The following NLGN4X variants were observed in gnomAD, a reference collection of about 807,000 sequenced individuals.
The protein encoded by NLGN4X is neuroligin 4 X-linked, also known as neuroligin-4, X-linked.
A neutral mutation model predicts 40.3 loss-of-function variants in NLGN4X; 3 were observed. The ratio of observed to expected loss-of-function variants is 0.07; its 90% CI spans 0.03 to 0.19. The LOEUF (loss-of-function observed/expected upper bound fraction) is 0.19, where lower values mean the gene tolerates loss of function less well. Among genes scored for constraint, NLGN4X ranks in the 10% least tolerant of loss-of-function variants. The probability of loss-of-function intolerance (pLI) is 1.00; values close to 1 mark genes in which losing one functional copy is unlikely to be tolerated. For synonymous variants in NLGN4X, 270 were observed against 306.8 expected, an observed-to-expected ratio of 0.88 and a Z score of 1.25; for missense variants, 382 against 708.3, an observed-to-expected ratio of 0.54 and a Z score of 5.23.
intron 3 of NLGN4X, among the ~76,000 whole-genome samples, chrX:5,970,066 T>C (rs1265169732): frequency 9.2e-6 from 1 of 108,359 alleles, no homozygotes; most frequent in East Asian, 3.0e-4. Context: ...GAGATATACC[T>C]AATGTTAATT....
chrX:6,129,518 A>G (rs1447845627), intron 2 of NLGN4X, among the ~76,000 whole-genome samples: 2 of 112,198 alleles, frequency 1.8e-5, no homozygotes, highest in Non-Finnish European at 3.8e-5. Flanking sequence ...TCACTAGCTA[A>G]AAAGACTAAT....
chrX:6,194,441 CAG>C (rs755179623), intron 1 of NLGN4X, among the ~76,000 whole-genome samples: 2 of 111,424 alleles, frequency 1.8e-5, no homozygotes, highest in Admixed American at 1.9e-4. Context: ...AGATATCTAA[CAG>C]AGTACCACGT....
chrX:6,162,870 C>T (rs953454037), intron 1 of NLGN4X, among the ~76,000 whole-genome samples: 9 of 111,775 alleles, frequency 8.1e-5, no homozygotes, highest in African/African-American at 2.6e-4. Flanking sequence ...TAAAGATATG[C>T]ATATGTATGT....
chrX:6,206,131 C>G (rs1371796811), intron 1 of NLGN4X, among the ~76,000 whole-genome samples: 1 of 110,990 alleles, frequency 9.0e-6, no homozygotes, highest in Non-Finnish European at 1.9e-5. Context: ...TGAGACCCCC[C>G]ACTCCACAAT....
chrX:6,025,904 C>CA (rs10712022), intron 3 of NLGN4X, among the ~76,000 whole-genome samples: 868 of 80,153 alleles, frequency 0.011, 10 homozygotes, highest in African/African-American at 0.037. Flanking sequence ...GACTCCATCT[C>CA]AAAAAAAAAA....
At chrX:6,127,008 CA>C (rs2039565192) in intron 2 of NLGN4X, among the ~76,000 whole-genome samples, 1 of 172 alleles carries the variant, frequency 5.8e-3, no homozygotes, top group African/African-American at 0.036. Context: ...CTGTCCCCTT[CA>C]AGACTTTTCC....
chrX:5,978,160 A>G (rs188462354), intron 3 of NLGN4X, among the ~76,000 whole-genome samples: 57 of 112,385 alleles, frequency 5.1e-4, no homozygotes, highest in African/African-American at 1.7e-3. Flanking sequence ...GATGCAAGTT[A>G]AAAAAATCAA....
intron 2 of NLGN4X, among the ~76,000 whole-genome samples, chrX:6,063,191 T>C (rs949840162): frequency 1.8e-5 from 2 of 111,942 alleles, no homozygotes; most frequent in African/African-American, 6.5e-5. Flanking sequence ...ATACAAAACT[T>C]TGGCCACGTA....
chrX:5,896,492 G>T (rs2031501387), intron 5 of NLGN4X, among the ~76,000 whole-genome samples: 1 of 111,739 alleles, frequency 8.9e-6, no homozygotes, highest in Non-Finnish European at 1.9e-5. Context: ...TAAAATTAAA[G>T]ACTATAATGA....
chrX:5,892,748 CTCTT>C lies in NLGN4X; in HGVS notation c.*65_*68del, dbSNP rs765660407. On this transcript the variant is annotated 3_prime_UTR_variant, in exon 6 of 6. Coordinates refer to ENST00000381095, the MANE Select transcript of NLGN4X (RefSeq NM_181332.3). ...TTTCTTTCTCTCTCTCTTTCCTTCT[CTCTT>C]TCCTTCCCTCTTCTATGTTGCTGAG... 54 of 1,174,350 alleles carry C rather than the reference CTCTT, an allele frequency of 4.6e-5. No homozygotes were observed. Among genetic ancestry groups the C allele is most frequent in the Non-Finnish European group, 5.9e-5 (51 of 866,821 alleles).
chrX:6,225,203 A>AT (rs1926104824), intron 1 of NLGN4X, among the ~76,000 whole-genome samples: 1 of 106,175 alleles, frequency 9.4e-6, no homozygotes, highest in Admixed American at 1.0e-4. Context: ...GAAATTCCAT[A>AT]TTTTTTTCTG....
At chrX:5,964,373 T>TA (rs1039834966) in intron 3 of NLGN4X, among the ~76,000 whole-genome samples, 3 of 111,731 alleles carry the variant, frequency 2.7e-5, no homozygotes, top group Non-Finnish European at 3.8e-5. Flanking sequence ...ATAAGTATTC[T>TA]AAAAAAAGAT....
intron 2 of NLGN4X, among the ~76,000 whole-genome samples, chrX:6,095,760 T>C (rs1196283601): frequency 8.9e-6 from 1 of 111,767 alleles, no homozygotes; most frequent in African/African-American, 3.3e-5. Context: ...TGTTAAAGAC[T>C]TGGAGTGGGT....
intron 5 of NLGN4X, among the ~76,000 whole-genome samples, chrX:5,898,026 CTTCT>C (rs779929885): frequency 1.9e-4 from 18 of 96,700 alleles, no homozygotes; most frequent in East Asian, 3.5e-4. Context: ...CCCTCCCTTC[CTTCT>C]TTCTCTCTCC....
At chrX:6,215,774 G>A (rs1185216390) in intron 1 of NLGN4X, among the ~76,000 whole-genome samples, 1 of 111,457 alleles carries the variant, frequency 9.0e-6, no homozygotes, top group Non-Finnish European at 1.9e-5. Flanking sequence ...CAAATTGGAA[G>A]TGGATAACAA....
chrX:6,015,172 A>G (rs898442048), intron 3 of NLGN4X, among the ~76,000 whole-genome samples: 9 of 111,777 alleles, frequency 8.1e-5, no homozygotes, highest in Non-Finnish European at 1.7e-4. Flanking sequence ...ACTGGATAGA[A>G]ATGCTGTAGG....
chrX:6,110,002 A>AAAACGCTTTACTG (rs1174063831), intron 2 of NLGN4X, among the ~76,000 whole-genome samples: 1 of 110,806 alleles, frequency 9.0e-6, no homozygotes, highest in African/African-American at 3.3e-5. Context: ...AAGCAGCAGA[A>AAAACGCTTTACTG]AAACGCTTTC....
At chrX:5,959,531 C>G (rs995958917) in intron 3 of NLGN4X, among the ~76,000 whole-genome samples, 3 of 111,627 alleles carry the variant, frequency 2.7e-5, no homozygotes, top group Non-Finnish European at 5.7e-5. Flanking sequence ...AGCTGAAGAA[C>G]TAAGATGTGG....
At chrX:6,211,201 AC>A (rs1228896062) in intron 1 of NLGN4X, among the ~76,000 whole-genome samples, 2 of 112,092 alleles carry the variant, frequency 1.8e-5, no homozygotes, top group African/African-American at 6.5e-5. Flanking sequence ...CAGAAGGGAT[AC>A]AAGAGGGAAA....
Sources: gnomAD v4.1 joint callset for allele counts (sites outside exome capture counted in the v4.1 genomes callset) on GRCh38, gnomAD v4.1.1 for gene constraint, MANE v1.5 for transcripts, NCBI Gene and HGNC (gene_info 2026-07-23, HGNC 2026-07-21) for gene names.